GDPD4: variants seen among roughly 807,000 people sequenced by gnomAD.
GDPD4 encodes glycerophosphodiester phosphodiesterase domain containing 4, also known as glycerophosphodiester phosphodiesterase 6.
A neutral mutation model predicts 67.8 loss-of-function variants in GDPD4; 60 were observed. The observed-to-expected ratio is 0.88, with a 90% CI of 0.72 to 1.10. The LOEUF is 1.10. GDPD4 is among the 50% of genes least tolerant of loss of function. The pLI is 0.00. For missense variants in GDPD4, 623 were observed against 613.9 expected (o/e 1.01, Z -0.16); for synonymous variants, 212 against 210.9 (o/e 1.00, Z -0.04).
intron 11 of GDPD4, among the ~76,000 whole-genome samples, chr11:77,253,755 CA>C (rs1311036614): frequency 1.3e-5 from 2 of 152,128 alleles, no homozygotes; most frequent in Non-Finnish European, 2.9e-5. Flanking sequence ...AGGGCTCTGA[CA>C]AAGTACTTTT....
At chr11:77,278,110 A>G (rs1959577651) in intron 4 of GDPD4, among the ~76,000 whole-genome samples, 1 of 152,078 alleles carries the variant, frequency 6.6e-6, no homozygotes, top group Non-Finnish European at 1.5e-5. Flanking sequence ...ACAGTTTGTT[A>G]TCATTTCTGT....
chr11:77,232,909 G>T (rs117405118), intron 14 of GDPD4, 116 bp downstream of exon 14: 8,753 of 812,702 alleles, frequency 0.011, 68 homozygotes, highest in Middle Eastern at 0.025. Flanking sequence ...AATATTCATA[G>T]AAGTCTGTAC....
chr11:77,239,033 G>T (rs1378719930), intron 13 of GDPD4, among the ~76,000 whole-genome samples: 1 of 152,164 alleles, frequency 6.6e-6, no homozygotes, highest in African/African-American at 2.4e-5. Context: ...TACAAGGAGG[G>T]TTCATCATAT....
intron 4 of GDPD4, among the ~76,000 whole-genome samples, chr11:77,279,090 C>T (rs553343948): frequency 2.0e-5 from 3 of 152,328 alleles, no homozygotes; most frequent in Non-Finnish European, 4.4e-5. Flanking sequence ...TGGCAAGACA[C>T]ATCCTCTAAC....
intron 3 of GDPD4, among the ~76,000 whole-genome samples, chr11:77,284,724 T>C (rs999829784): frequency 6.6e-6 from 1 of 152,010 alleles, no homozygotes; most frequent in Non-Finnish European, 1.5e-5. Context: ...GGTTCAGGGA[T>C]AGAGATCATG....
At chr11:77,258,358 G>A (rs1170088828) in intron 11 of GDPD4, 28 bp downstream of exon 11, 2 of 1,609,854 alleles carry the variant, frequency 1.2e-6, no homozygotes, top group Non-Finnish European at 1.7e-6. Flanking sequence ...TTCAATGCAG[G>A]TTTGTGGAAC....
At chr11:77,278,220 T>C (rs1959583577) in intron 4 of GDPD4, among the ~76,000 whole-genome samples, 1 of 152,172 alleles carries the variant, frequency 6.6e-6, no homozygotes, top group Non-Finnish European at 1.5e-5. Context: ...CCTCCCAAAG[T>C]GCTGGGATTA....
intron 10 of GDPD4, among the ~76,000 whole-genome samples, chr11:77,261,074 T>A (rs909098491): frequency 6.6e-6 from 1 of 152,200 alleles, no homozygotes; most frequent in Non-Finnish European, 1.5e-5. Flanking sequence ...GTCTCCAAAC[T>A]AATGTCTTCA....
Position 77,245,270 on chromosome 11 carries a change from G to C in GDPD4, c.1086+11C>G, listed in dbSNP as rs1458625865. The C allele has an allele frequency of 1.2e-5, 19 of 1,605,934 alleles. No individual in the cohort carries two copies. Among genetic ancestry groups the C allele is most frequent in the Non-Finnish European group, 1.5e-5 (18 of 1,172,570 alleles). ...TCCCAACCTATGTCATAAATACTGA[G>C]ATAGACTTACCAGATGTTGCTCGAT... is the stretch of plus-strand genomic sequence containing the variant. On this transcript the variant is annotated intron_variant, in intron 12 of 16. Transcript: ENST00000315938.
intron 14 of GDPD4, 122 bp from the exon 15 acceptor site, chr11:77,229,354 C>T: frequency 3.3e-6 from 2 of 603,492 alleles, no homozygotes; most frequent in Middle Eastern, 3.5e-4. Context: ...ATAGACAGGC[C>T]AAGGAACCTT....
Position 77,225,545 on chromosome 11 carries a change from CA to C in GDPD4, c.1525+2318del, listed in dbSNP as rs1258407066. ...CACACGCACGAAGTTAAGCCATAAT[CA>C]AACTACTAAAAACCAATAATAAAAG... On this transcript the variant is annotated intron_variant, in intron 16 of 16. Coordinates refer to ENST00000315938, the MANE Select transcript of GDPD4 (RefSeq NM_182833.3). 3.3e-5 allele frequency among the ~76,000 whole-genome samples: 5 copies of C among 152,246 alleles called. No individual in the cohort carries two copies. The East Asian group carries it at 9.6e-4, about 29-fold the overall frequency.
At chr11:77,292,916 T>A (rs1443856587) in intron 1 of GDPD4, among the ~76,000 whole-genome samples, 2 of 152,134 alleles carry the variant, frequency 1.3e-5, no homozygotes, top group African/African-American at 4.8e-5. Context: ...AAAACTTGAA[T>A]AGCCCTTTAT....
chr11:77,282,568 C>G (rs188124088), intron 3 of GDPD4, among the ~76,000 whole-genome samples: 1 of 151,820 alleles, frequency 6.6e-6, no homozygotes, highest in African/African-American at 2.4e-5. Context: ...GTGGGAGGAT[C>G]GGTCAAGCTT....
At position 77,280,877 on chromosome 11, in the gene GDPD4, G is replaced by A. The variant is rs114162547; in HGVS notation, c.54-1478C>T. ...AAAGAGCGAGAAGGAGTTTGCTTATGTGACTGCCTGAACATCAGTGGGAAC... is the reference window on the plus strand; with the variant it reads ...AAAGAGCGAGAAGGAGTTTGCTTATATGACTGCCTGAACATCAGTGGGAAC... On this transcript the variant is annotated intron_variant, in intron 3 of 16. Transcript: ENST00000315938. Among the ~76,000 whole-genome samples the A allele has an allele frequency of 8.8e-3, 1,348 of 152,340 alleles. 25 individuals are homozygous for A. The highest frequency in any genetic ancestry group is 0.03 in the African/African-American group (1,236 of 41,570).
At chr11:77,289,654 C>A (rs542606391) in intron 1 of GDPD4, among the ~76,000 whole-genome samples, 1 of 151,366 alleles carries the variant, frequency 6.6e-6, no homozygotes. Flanking sequence ...TTGTTTGAAC[C>A]TGGAAGGCGG....
At chr11:77,223,955 G>A (rs1958276743) in intron 16 of GDPD4, among the ~76,000 whole-genome samples, 1 of 152,194 alleles carries the variant, frequency 6.6e-6, no homozygotes, top group Admixed American at 6.5e-5. Context: ...CTGGACTGCT[G>A]CGCTAGTGGT....
chr11:77,237,685 A>G (rs1170759932), intron 13 of GDPD4, among the ~76,000 whole-genome samples: 1 of 152,284 alleles, frequency 6.6e-6, no homozygotes, highest in Non-Finnish European at 1.5e-5. Flanking sequence ...TTAAAAAGTT[A>G]GCAATACACT....
Position 77,289,688 on chromosome 11 carries a change from AC to A in GDPD4, c.-253-2269del, listed in dbSNP as rs570981934. ...GGAGGTTGCAGTGAGCTGAGATTGCACCACTGCACTCCAGCCTGGGTGACAG... is the reference window on the plus strand; with the variant it reads ...GGAGGTTGCAGTGAGCTGAGATTGCACACTGCACTCCAGCCTGGGTGACAG... On this transcript the variant is annotated intron_variant, in intron 1 of 16. Coordinates refer to ENST00000315938, the MANE Select transcript of GDPD4 (RefSeq NM_182833.3). 1.8e-3 allele frequency among the ~76,000 whole-genome samples: 270 copies of A among 151,202 alleles called. 1 individual carries two copies. The highest frequency in any genetic ancestry group is 6.4e-3 in the African/African-American group (262 of 41,180).
intron 1 of GDPD4, among the ~76,000 whole-genome samples, chr11:77,295,936 T>C (rs977993324): frequency 1.3e-5 from 2 of 152,074 alleles, no homozygotes; most frequent in African/African-American, 4.8e-5. Context: ...TGAATTTTAG[T>C]GTATGCAAAT....
Sources: gnomAD v4.1 joint callset for allele counts (sites outside exome capture counted in the v4.1 genomes callset) on GRCh38, gnomAD v4.1.1 for gene constraint, MANE v1.5 for transcripts, NCBI Gene and HGNC (gene_info 2026-07-23, HGNC 2026-07-21) for gene names.